Variants in FBXW7 observed in about 807,000 individuals in gnomAD.
FBXW7 encodes the protein F-box and WD repeat domain containing 7, also known as F-box/WD repeat-containing protein 7.
A neutral mutation model predicts 86.3 loss-of-function variants in FBXW7; 11 were observed. The observed-to-expected ratio is 0.13, with a 90% CI of 0.08 to 0.21. FBXW7 has a LOEUF of 0.21. Ranked by LOEUF, FBXW7 falls within the 10% of genes least tolerant of loss-of-function variation. FBXW7 has a pLI of 1.00. For synonymous variants in FBXW7, 313 were observed against 297.9 expected (o/e 1.05, Z -0.52); for missense variants, 488 against 847.4 (o/e 0.58, Z 5.27).
chr4:152,435,389 C>T (rs1295489616), intron 2 of FBXW7, among the ~76,000 whole-genome samples: 3 of 152,116 alleles, frequency 2.0e-5, no homozygotes, highest in East Asian at 1.9e-4. Flanking sequence ...CATTATGCAT[C>T]GCAGGCAGGA....
intron 2 of FBXW7, among the ~76,000 whole-genome samples, chr4:152,521,809 A>ATTTTTTTTTTT (rs575881137): frequency 2.0e-5 from 2 of 100,694 alleles, no homozygotes; most frequent in African/African-American, 4.6e-5. Flanking sequence ...TAAGGGTCCA[A>ATTTTTTTTTTT]TTTTTTTTTT....
At chr4:152,509,340 T>C (rs1464373219) in intron 2 of FBXW7, among the ~76,000 whole-genome samples, 2 of 152,180 alleles carry the variant, frequency 1.3e-5, no homozygotes, top group African/African-American at 4.8e-5. Flanking sequence ...ATTTACCCTT[T>C]ATACTATTTT....
intron 2 of FBXW7, among the ~76,000 whole-genome samples, chr4:152,504,903 T>C (rs186804908): frequency 1.0e-3 from 152 of 152,318 alleles, no homozygotes; most frequent in African/African-American, 3.5e-3. Context: ...CTTTTTACAT[T>C]AATAAGGGTA....
intron 8 of FBXW7, among the ~76,000 whole-genome samples, chr4:152,331,743 A>G (rs1426622238): frequency 6.6e-6 from 1 of 152,146 alleles, no homozygotes; most frequent in African/African-American, 2.4e-5. Flanking sequence ...CATACATGTT[A>G]TCACAATTTT....
At chr4:152,369,624 TTAAAAA>T (rs2126730783) in intron 4 of FBXW7, among the ~76,000 whole-genome samples, 1 of 152,182 alleles carries the variant, frequency 6.6e-6, no homozygotes, top group South Asian at 2.1e-4. Flanking sequence ...TTAAAGAATC[TTAAAAA>T]TAAGACTGTT....
intron 2 of FBXW7, among the ~76,000 whole-genome samples, chr4:152,419,680 C>T (rs1303016088): frequency 6.6e-6 from 1 of 152,080 alleles, no homozygotes; most frequent in African/African-American, 2.4e-5. Flanking sequence ...CCTCAGAAAA[C>T]TGCAGGTTCA....
intron 6 of FBXW7, among the ~76,000 whole-genome samples, chr4:152,344,443 C>T (rs904921959): frequency 6.6e-6 from 1 of 152,018 alleles, no homozygotes; most frequent in Non-Finnish European, 1.5e-5. Context: ...ACATGCTATT[C>T]CTGTTAACTA....
At chr4:152,361,989 C>CAGAA (rs1422529879) in intron 4 of FBXW7, among the ~76,000 whole-genome samples, 1 of 134,062 alleles carries the variant, frequency 7.5e-6, no homozygotes, top group African/African-American at 2.8e-5. Flanking sequence ...AAAAAAAGAA[C>CAGAA]AGAACAGAAC....
At chr4:152,386,957 C>T (rs2126795313) in intron 4 of FBXW7, among the ~76,000 whole-genome samples, 1 of 152,248 alleles carries the variant, frequency 6.6e-6, no homozygotes, top group South Asian at 2.1e-4. Flanking sequence ...CAGCAATTTA[C>T]TCTGGATTTC....
At chr4:152,398,928 AAAT>A (rs149361261) in intron 4 of FBXW7, among the ~76,000 whole-genome samples, 2,080 of 152,260 alleles carry the variant, frequency 0.014, 25 homozygotes, top group Middle Eastern at 0.037. Context: ...AAAGTTGGTG[AAAT>A]AATAATTTCA....
intron 2 of FBXW7, among the ~76,000 whole-genome samples, chr4:152,491,165 A>G (rs927605568): frequency 1.3e-5 from 2 of 152,160 alleles, no homozygotes; most frequent in African/African-American, 4.8e-5. Context: ...GATGCCAATA[A>G]AATCAGAAAG....
At chr4:152,398,980 T>C (rs1398505380) in intron 4 of FBXW7, among the ~76,000 whole-genome samples, 2 of 152,146 alleles carry the variant, frequency 1.3e-5, no homozygotes, top group African/African-American at 4.8e-5. Flanking sequence ...AAAATATATA[T>C]ATCTTACATT....
intron 2 of FBXW7, among the ~76,000 whole-genome samples, chr4:152,523,667 C>T (rs561371157): frequency 2.0e-5 from 3 of 152,262 alleles, no homozygotes; most frequent in East Asian, 3.9e-4. Flanking sequence ...GTCTATGATA[C>T]GCTTTTAGGG....
chr4:152,379,130 C>T (rs1327480033), intron 4 of FBXW7, among the ~76,000 whole-genome samples: 3 of 151,932 alleles, frequency 2.0e-5, no homozygotes, highest in Non-Finnish European at 2.9e-5. Context: ...AAGATGTATC[C>T]TTATTTCATA....
chr4:152,432,359 A>G (rs150693053), intron 2 of FBXW7, among the ~76,000 whole-genome samples: 191 of 152,358 alleles, frequency 1.3e-3, no homozygotes, highest in African/African-American at 4.5e-3. Flanking sequence ...TTCAACATGG[A>G]ACAGACTCAC....
chr4:152,526,844 T>C lies in FBXW7; in HGVS notation c.-120+8097A>G, dbSNP rs556250064. On this transcript the variant is annotated intron_variant, in intron 2 of 13. Coordinates refer to ENST00000281708, the MANE Select transcript of FBXW7 (RefSeq NM_001349798.2). ...AATTCCAGTTATGTTCAAATCAGTC[T>C]TTCTTTTCTATTAAAAAAAAGCCCA... Among the ~76,000 whole-genome samples, 3 of 152,342 alleles carry C rather than the reference T, an allele frequency of 2.0e-5. No homozygotes were observed. The East Asian group carries it at 5.8e-4, about 29-fold the overall frequency.
chr4:152,532,612 A>C (rs769700588), intron 2 of FBXW7, among the ~76,000 whole-genome samples: 4 of 152,234 alleles, frequency 2.6e-5, no homozygotes, highest in Non-Finnish European at 5.9e-5. Context: ...TTCCTAAAAG[A>C]AACCTTCCCA....
At chr4:152,524,049 C>T (rs186355226) in intron 2 of FBXW7, among the ~76,000 whole-genome samples, 1 of 152,310 alleles carries the variant, frequency 6.6e-6, no homozygotes, top group Non-Finnish European at 1.5e-5. Flanking sequence ...TAACTTAATA[C>T]TATAATATTT....
chr4:152,497,104 C>A (rs1746421423), intron 2 of FBXW7, among the ~76,000 whole-genome samples: 1 of 152,052 alleles, frequency 6.6e-6, no homozygotes, highest in Non-Finnish European at 1.5e-5. Flanking sequence ...GGGCAGATCA[C>A]CCGAGGTCAG....
Sources: gnomAD v4.1 joint callset for allele counts (sites outside exome capture counted in the v4.1 genomes callset) on GRCh38, gnomAD v4.1.1 for gene constraint, MANE v1.5 for transcripts, NCBI Gene and HGNC (gene_info 2026-07-23, HGNC 2026-07-21) for gene names.